The following GARIN2 variants were observed in gnomAD, a reference collection of about 807,000 sequenced individuals.
The protein encoded by GARIN2 is golgi associated RAB2 interactor family member 2.
At chr14:67,195,267 G>A in the GARIN2 span, among the ~76,000 whole-genome samples, 2 of 152,144 alleles carry the variant, frequency 1.3e-5, no homozygotes, top group Admixed American at 6.5e-5. Context: ...AGACCCAGTC[G>A]TGGCTGCAAA....
At chr14:67,227,099 G>C in the GARIN2 span, among the ~76,000 whole-genome samples, 4 of 152,098 alleles carry the variant, frequency 2.6e-5, no homozygotes, top group African/African-American at 7.2e-5. Context: ...CAAATGCAAA[G>C]AATGACAAAA....
At chr14:67,193,359 TATA>T in the GARIN2 span, among the ~76,000 whole-genome samples, 5 of 133,736 alleles carry the variant, frequency 3.7e-5, no homozygotes, top group African/African-American at 1.3e-4. Flanking sequence ...TATAGAGATA[TATA>T]ATCTATCTAT....
At chr14:67,193,944 C>CAAAAAATAACA in the GARIN2 span, among the ~76,000 whole-genome samples, 1 of 33,880 alleles carries the variant, frequency 3.0e-5, no homozygotes, top group Non-Finnish European at 5.0e-5. Context: ...GACCCTGTCT[C>CAAAAAATAACA]AAAAAAAAAC....
the GARIN2 span, among the ~76,000 whole-genome samples, chr14:67,191,725 C>T: frequency 4.1e-4 from 62 of 152,308 alleles, no homozygotes; most frequent in South Asian, 2.3e-3. Context: ...CACCATGGAA[C>T]GTCTAGAGAG....
chr14:67,204,019 A>T, the GARIN2 span, among the ~76,000 whole-genome samples: 1 of 152,078 alleles, frequency 6.6e-6, no homozygotes, highest in Non-Finnish European at 1.5e-5. Context: ...GCCCATTCAG[A>T]CGTTTTTATA....
the GARIN2 span, chr14:67,201,755 A>C: frequency 6.1e-6 from 2 of 327,256 alleles, no homozygotes. Context: ...TGGGTAAGTT[A>C]TCAATAGTGT....
the GARIN2 span, chr14:67,203,302 C>T: frequency 1.9e-6 from 3 of 1,562,104 alleles, no homozygotes; most frequent in Non-Finnish European, 2.6e-6. Flanking sequence ...AGGTGAGTTA[C>T]AAAGAGAAGA....
chr14:67,194,646 C>T, the GARIN2 span, among the ~76,000 whole-genome samples: 2 of 152,106 alleles, frequency 1.3e-5, no homozygotes, highest in Non-Finnish European at 2.9e-5. Flanking sequence ...GCTGGGATTA[C>T]AGGCATGCGC....
chr14:67,191,660 A>AAG, the GARIN2 span, among the ~76,000 whole-genome samples: 1 of 152,174 alleles, frequency 6.6e-6, no homozygotes, highest in Admixed American at 6.5e-5. Flanking sequence ...TCTCAGCCCT[A>AAG]ATGGAGCCTT....
chr14:67,204,698 T>C, the GARIN2 span: 1 of 1,613,946 alleles, frequency 6.2e-7, no homozygotes, highest in Non-Finnish European at 8.5e-7. Context: ...ATCTCCCTCT[T>C]GAATCAGGAG....
At chr14:67,193,043 G>T in the GARIN2 span, among the ~76,000 whole-genome samples, 1 of 140,800 alleles carries the variant, frequency 7.1e-6, no homozygotes, top group Non-Finnish European at 1.5e-5. Context: ...TCAATATCTA[G>T]ATATAGATAT....
the GARIN2 span, among the ~76,000 whole-genome samples, chr14:67,213,606 A>T: frequency 1.3e-5 from 2 of 152,034 alleles, no homozygotes; most frequent in Non-Finnish European, 2.9e-5. Flanking sequence ...GCTATTGTGA[A>T]TAGTGCCACA....
At chr14:67,205,894 T>C in the GARIN2 span, among the ~76,000 whole-genome samples, 39 of 152,096 alleles carry the variant, frequency 2.6e-4, no homozygotes, top group Non-Finnish European at 4.1e-4. Flanking sequence ...AGGTCCACAA[T>C]AGAAAAAAGT....
the GARIN2 span, chr14:67,221,674 A>G: frequency 6.5e-7 from 1 of 1,531,204 alleles, no homozygotes; most frequent in South Asian, 1.2e-5. Flanking sequence ...ATTACTACCC[A>G]CAGAGCATTT....
At chr14:67,201,237 T>C in the GARIN2 span, among the ~76,000 whole-genome samples, 3 of 152,176 alleles carry the variant, frequency 2.0e-5, no homozygotes, top group Non-Finnish European at 4.4e-5. Flanking sequence ...CAGGCTGCAG[T>C]GAGCTAGGAT....
the GARIN2 span, chr14:67,199,905 G>T: frequency 6.8e-7 from 1 of 1,478,442 alleles, no homozygotes; most frequent in East Asian, 2.3e-5. Flanking sequence ...GAACCCCAGG[G>T]GCAGGACATC....
chr14:67,209,536 T>C, the GARIN2 span, among the ~76,000 whole-genome samples: 1 of 152,074 alleles, frequency 6.6e-6, no homozygotes, highest in African/African-American at 2.4e-5. Context: ...AAAAGCATAA[T>C]AGGCCGGGTG....
At chr14:67,196,340 C>T in the GARIN2 span, among the ~76,000 whole-genome samples, 4 of 152,030 alleles carry the variant, frequency 2.6e-5, no homozygotes, top group African/African-American at 9.7e-5. Flanking sequence ...CCTCAGTCTC[C>T]CGAATAGCTG....
At chr14:67,190,435 C>G in the GARIN2 span, among the ~76,000 whole-genome samples, 1 of 152,100 alleles carries the variant, frequency 6.6e-6, no homozygotes, top group Non-Finnish European at 1.5e-5. Context: ...TTTGGCCAGG[C>G]TGGTCTCGAA....
Sources: allele counts gnomAD v4.1 joint callset (sites outside exome capture counted in the v4.1 genomes callset), GRCh38; gene constraint gnomAD v4.1.1; transcripts MANE v1.5; gene names NCBI Gene and HGNC (gene_info 2026-07-23, HGNC 2026-07-21).